GCNT4: variants seen among roughly 807,000 people sequenced by gnomAD.
GCNT4 encodes beta-1,3-galactosyl-O-glycosyl-glycoprotein beta-1,6-N-acetylglucosaminyltransferase 4.
Under a neutral mutation model 31.3 loss-of-function variants are expected in GCNT4, and 17 were observed. The ratio of observed to expected loss-of-function variants is 0.54; its 90% confidence interval spans 0.37 to 0.81. The LOEUF (loss-of-function observed/expected upper bound fraction) is 0.81, where lower values mean the gene tolerates loss of function less well. Ranked by LOEUF, GCNT4 falls within the 40% of genes least tolerant of loss-of-function variation. The pLI is 0.00. For missense variants in GCNT4, 503 were observed against 525.5 expected (o/e 0.96, Z 0.42); for synonymous variants, 158 against 190.6 (o/e 0.83, Z 1.41).
the GCNT4 span, among the ~76,000 whole-genome samples, chr5:75,017,239 G>A: frequency 7.4e-3 from 1,126 of 152,282 alleles, 15 homozygotes; most frequent in Middle Eastern, 0.037. Flanking sequence ...GGAAGCCACA[G>A]CTTTTTTCCC....
At chr5:75,030,105 T>G in intron 3 of GCNT4, 67 bp from the exon 4 acceptor site, 1 of 1,458,300 alleles carries the variant, frequency 6.9e-7, no homozygotes, top group East Asian at 2.3e-5. Context: ...TTATCCAAAA[T>G]CTACTGGGCG....
chr5:75,022,486 T>A (rs950766070), downstream of GCNT4, among the ~76,000 whole-genome samples: 1 of 152,226 alleles, frequency 6.6e-6, no homozygotes, highest in African/African-American at 2.4e-5. Flanking sequence ...AGGAAAGATA[T>A]CCTAACAGTG....
chr5:75,036,189 T>C (rs1743194156), intron 3 of GCNT4, among the ~76,000 whole-genome samples: 1 of 151,944 alleles, frequency 6.6e-6, no homozygotes, highest in African/African-American at 2.4e-5. Context: ...TTGGACCCCC[T>C]GAAGTTCAAA....
At chr5:75,033,767 T>C (rs1743132466) in intron 3 of GCNT4, among the ~76,000 whole-genome samples, 1 of 151,986 alleles carries the variant, frequency 6.6e-6, no homozygotes, top group African/African-American at 2.4e-5. Flanking sequence ...TTGCTGCACC[T>C]ATCAACCCGT....
At chr5:75,048,202 A>G (rs1202076299) in intron 2 of GCNT4, among the ~76,000 whole-genome samples, 165 bp from the exon 3 acceptor site, 1 of 152,204 alleles carries the variant, frequency 6.6e-6, no homozygotes, top group Non-Finnish European at 1.5e-5. Context: ...TCTAACAAAG[A>G]TGCTCACGTT....
the GCNT4 span, among the ~76,000 whole-genome samples, chr5:75,020,032 G>A: frequency 6.6e-6 from 1 of 152,308 alleles, no homozygotes; most frequent in African/African-American, 2.4e-5. Context: ...TAGTGGTTAT[G>A]TCAGGAAAAA....
rs375966352 is a variant in GCNT4 at position 75,041,549 on chromosome 5, T to C, written c.-2+6348A>G. On this transcript the variant is annotated intron_variant, in intron 3 of 3. Coordinates refer to ENST00000652361, the MANE Select transcript of GCNT4 (RefSeq NM_001366737.1). ...GATTATAATTCTTCTAGCTAGAAACTTTACTGGAGCCTCTCACATTTGGGC... is the reference window on the plus strand; with the variant it reads ...GATTATAATTCTTCTAGCTAGAAACCTTACTGGAGCCTCTCACATTTGGGC... Among the ~76,000 whole-genome samples the C allele has an allele frequency of 5.9e-5, 9 of 152,178 alleles. No individual in the cohort carries two copies. The East Asian group carries it at 1.2e-3, about 20-fold the overall frequency.
chr5:75,053,806 C>T (rs1371109536), upstream of GCNT4, among the ~76,000 whole-genome samples: 1 of 152,190 alleles, frequency 6.6e-6, no homozygotes, highest in Non-Finnish European at 1.5e-5. Context: ...TTCTCAGGCG[C>T]GCGCGGTGAT....
chr5:75,049,915 A>G (rs1444913434), intron 2 of GCNT4, among the ~76,000 whole-genome samples: 2 of 152,254 alleles, frequency 1.3e-5, no homozygotes, highest in Non-Finnish European at 2.9e-5. Flanking sequence ...GCATCATGAT[A>G]ATAAAACCAC....
At chr5:75,053,621 C>T (rs561056745), upstream of GCNT4, among the ~76,000 whole-genome samples, 44 of 152,116 alleles carry the variant, frequency 2.9e-4, no homozygotes, top group South Asian at 6.2e-3. Flanking sequence ...CGCGGCGGCT[C>T]GCTCTCGCCG....
intron 3 of GCNT4, among the ~76,000 whole-genome samples, chr5:75,038,775 A>T (rs893373898): frequency 6.6e-6 from 1 of 152,184 alleles, no homozygotes; most frequent in Non-Finnish European, 1.5e-5. Context: ...TAATACTCTC[A>T]CACTGGTGAT....
intron 3 of GCNT4, among the ~76,000 whole-genome samples, chr5:75,039,943 A>G (rs1010734639): frequency 2.6e-5 from 4 of 152,170 alleles, no homozygotes; most frequent in Non-Finnish European, 5.9e-5. Flanking sequence ...TCATGTCCAT[A>G]AAGGCCCAGG....
downstream of GCNT4, among the ~76,000 whole-genome samples, chr5:75,024,672 G>A (rs116091426): frequency 0.059 from 9,003 of 152,140 alleles, 291 homozygotes; most frequent in Middle Eastern, 0.11. Flanking sequence ...TCAAAGAAAG[G>A]GAAGAATCTT....
At chr5:75,037,387 G>C (rs1743220542) in intron 3 of GCNT4, among the ~76,000 whole-genome samples, 1 of 152,118 alleles carries the variant, frequency 6.6e-6, no homozygotes, top group Admixed American at 6.5e-5. Context: ...TATTGTTCTG[G>C]AGAAAAGATT....
chr5:75,032,922 T>TGTGTGTGA (rs1365905626), intron 3 of GCNT4, among the ~76,000 whole-genome samples: 51 of 145,908 alleles, frequency 3.5e-4, no homozygotes, highest in South Asian at 1.3e-3. Context: ...TGTGTGTGTG[T>TGTGTGTGA]GATTAATTCA....
intron 3 of GCNT4, among the ~76,000 whole-genome samples, chr5:75,035,707 G>T (rs1743181183): frequency 6.6e-6 from 1 of 152,222 alleles, no homozygotes; most frequent in African/African-American, 2.4e-5. Context: ...CTGACTGACA[G>T]AGGTTTCAAA....
intron 3 of GCNT4, chr5:75,030,548 T>C (rs1361451692): frequency 5.9e-6 from 1 of 168,708 alleles, no homozygotes; most frequent in Non-Finnish European, 1.4e-5. Flanking sequence ...AGAAGGGTGG[T>C]GGGCAGACAC....
intron 3 of GCNT4, among the ~76,000 whole-genome samples, chr5:75,041,671 G>C (rs1158429376): frequency 6.6e-6 from 1 of 152,098 alleles, no homozygotes; most frequent in Admixed American, 6.6e-5. Flanking sequence ...TGGAAATCTG[G>C]GCTGTAGCAA....
chr5:75,028,609 T>C lies in GCNT4; in HGVS notation c.*67A>G, dbSNP rs1364330548. ...TGAGTTTAAACAGTATTGGGCATAG[T>C]ATGGTATTCAATTCCACACTGACTC... On this transcript the variant is annotated 3_prime_UTR_variant, in exon 4 of 4. Transcript: ENST00000652361. The C allele has an allele frequency of 2.1e-6, 3 of 1,407,446 alleles. No individual in the cohort carries two copies. Among genetic ancestry groups the C allele is most frequent in the South Asian group, 2.7e-5 (2 of 74,574 alleles). 87.2% of individuals were successfully genotyped at this position (1,407,446 alleles called of 1,614,324 possible). A position where few individuals can be genotyped will look rare whatever the true frequency, so the allele number is the denominator to read the frequency against.
Sources: gnomAD v4.1 joint callset for allele counts (sites outside exome capture counted in the v4.1 genomes callset) on GRCh38, gnomAD v4.1.1 for gene constraint, MANE v1.5 for transcripts, NCBI Gene and HGNC (gene_info 2026-07-23, HGNC 2026-07-21) for gene names.